The following ATF7IP variants were observed in gnomAD, a reference collection of about 807,000 sequenced individuals.
ATF7IP encodes the protein activating transcription factor 7-interacting protein 1.
ATF7IP carries 23 observed loss-of-function variants against 106.4 expected under a neutral mutation model. The observed-to-expected ratio is 0.22, with a 90% CI of 0.16 to 0.31. ATF7IP has a LOEUF of 0.31. ATF7IP is among the 10% of genes least tolerant of loss of function. The pLI, the probability that ATF7IP is intolerant of heterozygous loss-of-function variation, is 1.00. For synonymous variants in ATF7IP, 542 were observed against 539.0 expected (o/e 1.01, Z -0.08); for missense variants, 1,334 against 1,524.3 (o/e 0.88, Z 2.08).
chr12:14,381,069 G>A (rs187908374), intron 1 of ATF7IP, among the ~76,000 whole-genome samples: 3 of 152,104 alleles, frequency 2.0e-5, no homozygotes, highest in Non-Finnish European at 2.9e-5. Context: ...CCATTTTATC[G>A]TTCTCTCTGC....
At position 14,466,603 on chromosome 12, in the gene ATF7IP, C is replaced by T. The variant is rs1565537321; in HGVS notation, c.2862+13C>T. 1 of 1,576,676 alleles carries T rather than the reference C, an allele frequency of 6.3e-7. No homozygotes were observed. Among genetic ancestry groups the T allele is most frequent in the Middle Eastern group, 1.7e-4 (1 of 5,952 alleles). On this transcript the variant is annotated intron_variant, in intron 10 of 14. Transcript: ENST00000261168. Reference sequence around the variant, plus strand: ...TAGCACATCACAGGTAAGATTTTTCCTTCTTCTTCAAAGTAAAATCCTAAT... The same window carrying T: ...TAGCACATCACAGGTAAGATTTTTCTTTCTTCTTCAAAGTAAAATCCTAAT...
intron 13 of ATF7IP, among the ~76,000 whole-genome samples, chr12:14,487,529 G>GA (rs1161238899): frequency 6.6e-6 from 1 of 152,190 alleles, no homozygotes; most frequent in African/African-American, 2.4e-5. Context: ...TGGAAAGACT[G>GA]ATGGCAGCAT....
Position 14,467,165 on chromosome 12 carries a change from G to A in ATF7IP, c.2862+575G>A, listed in dbSNP as rs139304485. 7.0e-3 allele frequency among the ~76,000 whole-genome samples: 1,057 copies of A among 151,980 alleles called. 57 individuals carry two copies. The highest frequency in any genetic ancestry group is 0.063 in the Admixed American group (961 of 15,262). On this transcript the variant is annotated intron_variant, in intron 10 of 14. Transcript: ENST00000261168. ...ACAGTGTTCTTCCTTGTTCTTTATG[G>A]CTTTAGGTGTAGTGAATTTATAGTG...
intron 1 of ATF7IP, among the ~76,000 whole-genome samples, chr12:14,412,217 G>A (rs545586131): frequency 3.3e-5 from 5 of 152,252 alleles, no homozygotes; most frequent in South Asian, 4.1e-4. Flanking sequence ...CAAAGTATGA[G>A]TTCTCCAAGT....
At chr12:14,390,716 G>A (rs1939498539) in intron 1 of ATF7IP, among the ~76,000 whole-genome samples, 1 of 152,076 alleles carries the variant, frequency 6.6e-6, no homozygotes, top group Admixed American at 6.5e-5. Flanking sequence ...TTAGATAATG[G>A]CCGTTAGGCC....
At chr12:14,454,512 A>G (rs1277950808) in intron 6 of ATF7IP, among the ~76,000 whole-genome samples, 1 of 152,054 alleles carries the variant, frequency 6.6e-6, no homozygotes, top group Non-Finnish European at 1.5e-5. Context: ...TCAAGCTCCA[A>G]CTTTCTCTTT....
chr12:14,479,137 C>T (rs1944352964), intron 12 of ATF7IP, among the ~76,000 whole-genome samples: 1 of 152,124 alleles, frequency 6.6e-6, no homozygotes, highest in South Asian at 2.1e-4. Context: ...TAAAAATTAG[C>T]AGATTTGTCA....
At chr12:14,474,145 T>C (rs140601126) in intron 10 of ATF7IP, among the ~76,000 whole-genome samples, 2 of 151,934 alleles carry the variant, frequency 1.3e-5, no homozygotes, top group African/African-American at 4.8e-5. Context: ...CTGTTTCTTA[T>C]TGCACAAGTT....
At chr12:14,419,806 A>G (rs1233682924) in intron 1 of ATF7IP, among the ~76,000 whole-genome samples, 1 of 152,168 alleles carries the variant, frequency 6.6e-6, no homozygotes, top group Non-Finnish European at 1.5e-5. Context: ...TACATTTTGT[A>G]TTAAGGTTTC....
chr12:14,492,727 A>G (rs977958566), intron 13 of ATF7IP, among the ~76,000 whole-genome samples: 2 of 152,176 alleles, frequency 1.3e-5, no homozygotes, highest in Non-Finnish European at 2.9e-5. Context: ...TATGGTAGCT[A>G]TGCCCACATT....
rs772493125 is a variant in ATF7IP, at chr12:14,496,341, A to G, written c.3391A>G (p.Thr1131Ala). 2 of 1,608,826 alleles carry G rather than the reference A, an allele frequency of 1.2e-6. No homozygotes were observed. The highest frequency in any genetic ancestry group is 2.7e-5 in the African/African-American group (2 of 74,832). ...TVHHRPPQVHTEPPRPVHPAP... is the reference protein window; with the variant it reads ...TVHHRPPQVHAEPPRPVHPAP... ...GCATCACCGACCACCACAAGTGCAT[A>G]CTGTAAGTGTTGATGCTTGGTTTTG... Residue 1131 changes from threonine to alanine, a missense_variant and splice_region_variant, in exon 14 of 15, where the codon ACT (threonine) becomes GCT (alanine). Thr to Ala is a moderately conservative substitution (Grantham distance 58). Transcript: ENST00000261168.
intron 2 of ATF7IP, among the ~76,000 whole-genome samples, chr12:14,426,686 C>T (rs564534374): frequency 2.0e-5 from 3 of 151,100 alleles, no homozygotes; most frequent in Admixed American, 6.6e-5. Flanking sequence ...ATTAGCCAGG[C>T]GTGGTGGCAC....
chr12:14,477,261 T>C (rs1054379099), intron 11 of ATF7IP, among the ~76,000 whole-genome samples: 3 of 152,214 alleles, frequency 2.0e-5, no homozygotes, highest in Admixed American at 1.3e-4. Flanking sequence ...GCTGTACAAC[T>C]GATTATATGA....
At position 14,456,482 on chromosome 12, in the gene ATF7IP, A is replaced by C. The variant is rs1943428350; in HGVS notation, c.1996-79A>C. The C allele has an allele frequency of 6.6e-6, 6 of 909,884 alleles. No individual in the cohort carries two copies. The East Asian group carries it at 1.5e-4, about 23-fold the overall frequency. The allele number at this position is 909,884 out of a possible 1,614,324, so 56.4% of individuals were successfully genotyped here. ...AGTGACAGATAATATATTGACAGGCATCTACAGGTCTAATTTTTTTTTAAA... is the reference window on the plus strand; with the variant it reads ...AGTGACAGATAATATATTGACAGGCCTCTACAGGTCTAATTTTTTTTTAAA... On this transcript the variant is annotated intron_variant, in intron 6 of 14. Transcript: ENST00000261168.
At chr12:14,407,451 C>A (rs992356033) in intron 1 of ATF7IP, among the ~76,000 whole-genome samples, 11 of 150,290 alleles carry the variant, frequency 7.3e-5, no homozygotes, top group Admixed American at 6.6e-5. Context: ...GATCTGTAAT[C>A]CTCTTCATGA....
chr12:14,453,700 C>A (rs994492431), intron 6 of ATF7IP, among the ~76,000 whole-genome samples: 18 of 152,048 alleles, frequency 1.2e-4, no homozygotes, highest in African/African-American at 4.1e-4. Flanking sequence ...TCTCCACTCA[C>A]TGCAACCTCC....
intron 1 of ATF7IP, among the ~76,000 whole-genome samples, chr12:14,406,665 GTT>G (rs370770745): frequency 6.8e-5 from 9 of 132,372 alleles, no homozygotes; most frequent in Non-Finnish European, 1.2e-4. Context: ...GTATTTATGG[GTT>G]TTTTTTTTTT....
At chr12:14,477,759 A>C (rs146780833) in intron 11 of ATF7IP, among the ~76,000 whole-genome samples, 1 of 152,212 alleles carries the variant, frequency 6.6e-6, no homozygotes, top group African/African-American at 2.4e-5. Flanking sequence ...TTTGGGTCAC[A>C]ATCTTCATAG....
intron 13 of ATF7IP, among the ~76,000 whole-genome samples, chr12:14,492,519 T>C (rs990502545): frequency 2.2e-5 from 3 of 138,636 alleles, no homozygotes; most frequent in African/African-American, 7.7e-5. Flanking sequence ...TGGAAATTGA[T>C]TGAGGGGTCA....
Sources: gnomAD v4.1 joint callset for allele counts (sites outside exome capture counted in the v4.1 genomes callset) on GRCh38, gnomAD v4.1.1 for gene constraint, MANE v1.5 for transcripts, NCBI Gene and HGNC (gene_info 2026-07-23, HGNC 2026-07-21) for gene names.